The following CCSER1 variants were observed in gnomAD, a reference collection of about 807,000 sequenced individuals.
CCSER1 encodes serine-rich coiled-coil domain-containing protein 1.
A neutral mutation model predicts 82.0 loss-of-function variants in CCSER1; 41 were observed. The observed-to-expected ratio is 0.50, with a 90% CI of 0.39 to 0.65. CCSER1 has a LOEUF of 0.65. Among genes scored for constraint, CCSER1 ranks in the 30% least tolerant of loss-of-function variants. CCSER1 has a pLI of 0.00. For synonymous variants in CCSER1, 414 were observed against 383.9 expected (o/e 1.08, Z -0.92); for missense variants, 1,119 against 1,064.2 (o/e 1.05, Z -0.72).
intron 8 of CCSER1, among the ~76,000 whole-genome samples, chr4:90,882,084 C>T: frequency 6.6e-6 from 1 of 151,856 alleles, no homozygotes; most frequent in Middle Eastern, 3.2e-3. Flanking sequence ...TGGATATTTT[C>T]AATATTTAAT....
chr4:91,519,776 C>T (rs899077664), intron 10 of CCSER1, among the ~76,000 whole-genome samples: 1 of 152,192 alleles, frequency 6.6e-6, no homozygotes, highest in Non-Finnish European at 1.5e-5. Flanking sequence ...CTTGCTCCTC[C>T]CTGTCTTCCA....
chr4:90,276,182 A>C (rs1727491522), intron 1 of CCSER1, among the ~76,000 whole-genome samples: 1 of 138,346 alleles, frequency 7.2e-6, no homozygotes, highest in Admixed American at 7.1e-5. Context: ...AGACTTGAAC[A>C]CTGTTTTCTT....
chr4:91,386,448 G>A (rs1751293461), intron 10 of CCSER1, among the ~76,000 whole-genome samples: 1 of 152,056 alleles, frequency 6.6e-6, no homozygotes, highest in Admixed American at 6.6e-5. Context: ...TGGAAGAAGA[G>A]AGGGCTTTCC....
intron 9 of CCSER1, among the ~76,000 whole-genome samples, chr4:91,058,786 G>T (rs1014528329): frequency 2.3e-4 from 35 of 151,996 alleles, no homozygotes; most frequent in Non-Finnish European, 4.4e-4. Flanking sequence ...TAAGAAAACT[G>T]AAATTTATAA....
intron 10 of CCSER1, among the ~76,000 whole-genome samples, chr4:91,274,294 C>T (rs991702501): frequency 6.6e-6 from 1 of 152,050 alleles, no homozygotes; most frequent in Non-Finnish European, 1.5e-5. Flanking sequence ...TTAAGATATC[C>T]TTGCCTTAAG....
At chr4:91,078,162 C>A (rs1343131000) in intron 9 of CCSER1, among the ~76,000 whole-genome samples, 3 of 152,186 alleles carry the variant, frequency 2.0e-5, no homozygotes, top group African/African-American at 7.2e-5. Context: ...GTTCCTGACC[C>A]CTGAGTAGCC....
intron 10 of CCSER1, among the ~76,000 whole-genome samples, chr4:91,090,487 C>A (rs1449069615): frequency 6.6e-6 from 1 of 152,212 alleles, no homozygotes; most frequent in Non-Finnish European, 1.5e-5. Context: ...GTCCAAGACA[C>A]CTAAGCCTTA....
At chr4:90,767,748 T>G (rs62313020) in intron 7 of CCSER1, among the ~76,000 whole-genome samples, 1 of 151,824 alleles carries the variant, frequency 6.6e-6, no homozygotes, top group Non-Finnish European at 1.5e-5. Context: ...TATCTCAGTT[T>G]GCTCCATCTC....
At chr4:90,130,511 A>G (rs1395696822) in intron 1 of CCSER1, among the ~76,000 whole-genome samples, 2 of 152,248 alleles carry the variant, frequency 1.3e-5, no homozygotes, top group African/African-American at 4.8e-5. Flanking sequence ...AATAGAAAAG[A>G]ACATATAAGG....
chr4:90,493,569 T>C (rs1474306627), intron 5 of CCSER1, among the ~76,000 whole-genome samples: 2 of 152,140 alleles, frequency 1.3e-5, no homozygotes, highest in Non-Finnish European at 2.9e-5. Flanking sequence ...GATCTCTTGC[T>C]AGAAACTCTA....
intron 10 of CCSER1, among the ~76,000 whole-genome samples, chr4:91,566,691 A>G (rs186891439): frequency 3.9e-5 from 6 of 152,006 alleles, no homozygotes; most frequent in African/African-American, 1.4e-4. Flanking sequence ...TGTTCATAAT[A>G]GTTTCTGATG....
chr4:90,912,772 C>T (rs986739580), intron 8 of CCSER1, among the ~76,000 whole-genome samples: 1 of 152,070 alleles, frequency 6.6e-6, no homozygotes, highest in African/African-American at 2.4e-5. Flanking sequence ...ACTAGAATAA[C>T]CAGTGTAGAG....
At chr4:90,608,005 A>G (rs758883101) in intron 5 of CCSER1, among the ~76,000 whole-genome samples, 3 of 152,230 alleles carry the variant, frequency 2.0e-5, no homozygotes, top group Non-Finnish European at 4.4e-5. Context: ...ATATTTAGTA[A>G]TGTTGACTCC....
intron 4 of CCSER1, among the ~76,000 whole-genome samples, chr4:90,415,757 A>G (rs1384578968): frequency 1.3e-5 from 2 of 152,212 alleles, no homozygotes; most frequent in Admixed American, 1.3e-4. Context: ...TACTCATAGG[A>G]TTATCTTCGT....
intron 1 of CCSER1, among the ~76,000 whole-genome samples, chr4:90,199,624 A>T (rs941726487): frequency 2.0e-5 from 3 of 151,962 alleles, no homozygotes; most frequent in South Asian, 2.1e-4. Flanking sequence ...TTGACTGAAG[A>T]AAAAAAATAT....
chr4:90,535,881 A>G (rs139191708), intron 5 of CCSER1, among the ~76,000 whole-genome samples: 76 of 152,274 alleles, frequency 5.0e-4, no homozygotes, highest in African/African-American at 1.7e-3. Context: ...AATCCTATTA[A>G]TCACATTAAT....
At chr4:91,513,992 TG>T (rs1414194000) in intron 10 of CCSER1, among the ~76,000 whole-genome samples, 6 of 152,150 alleles carry the variant, frequency 3.9e-5, no homozygotes, top group Admixed American at 3.9e-4. Context: ...TATTTTCTTC[TG>T]CTGGCTTTGT....
Position 90,207,454 on chromosome 4 carries a change from G to A in CCSER1, c.-42+79623G>A, listed in dbSNP as rs534190052. Among the ~76,000 whole-genome samples the A allele has an allele frequency of 2.0e-5, 3 of 152,128 alleles. No homozygotes were observed. The East Asian group carries it at 5.8e-4, about 29-fold the overall frequency. ...GGGTTAGAACATGCTCCTTTAGCTCGGAGGAGTTTGTTATTACCCACCTTC... is the reference window on the plus strand; with the variant it reads ...GGGTTAGAACATGCTCCTTTAGCTCAGAGGAGTTTGTTATTACCCACCTTC... On this transcript the variant is annotated intron_variant, in intron 1 of 10. Transcript: ENST00000509176.
chr4:91,279,034 A>G (rs1742695585), intron 10 of CCSER1, among the ~76,000 whole-genome samples: 1 of 150,982 alleles, frequency 6.6e-6, no homozygotes, highest in Non-Finnish European at 1.5e-5. Flanking sequence ...TTTGCTGTAT[A>G]GCATGTCCTT....
Sources: gnomAD v4.1 joint callset for allele counts (sites outside exome capture counted in the v4.1 genomes callset) on GRCh38, gnomAD v4.1.1 for gene constraint, MANE v1.5 for transcripts, NCBI Gene and HGNC (gene_info 2026-07-23, HGNC 2026-07-21) for gene names.